Variants in IGSF21 observed in about 807,000 individuals in gnomAD.
The protein encoded by IGSF21 is immunoglobin superfamily member 21.
A neutral mutation model predicts 46.8 loss-of-function variants in IGSF21; 28 were observed. The observed-to-expected ratio is 0.60, with a 90% CI of 0.44 to 0.82. IGSF21 has a LOEUF of 0.82. Among genes scored for constraint, IGSF21 ranks in the 40% least tolerant of loss-of-function variants. The pLI, the probability that IGSF21 is intolerant of heterozygous loss-of-function variation, is 0.00. For synonymous variants in IGSF21, 284 were observed against 273.6 expected (o/e 1.04, Z -0.38); for missense variants, 624 against 665.5 (o/e 0.94, Z 0.69).
At chr1:18,135,302 G>A (rs2086358437) in intron 1 of IGSF21, among the ~76,000 whole-genome samples, 1 of 151,836 alleles carries the variant, frequency 6.6e-6, no homozygotes, top group African/African-American at 2.4e-5. Context: ...GGGTACATGT[G>A]CACAACATGC....
intron 1 of IGSF21, among the ~76,000 whole-genome samples, chr1:18,210,302 C>A (rs768969932): frequency 4.6e-5 from 7 of 152,172 alleles, no homozygotes; most frequent in Non-Finnish European, 8.8e-5. Context: ...CTTTGCTTTG[C>A]AGAATAAATG....
chr1:18,161,355 T>C (rs1048845774), intron 1 of IGSF21, among the ~76,000 whole-genome samples: 1 of 152,116 alleles, frequency 6.6e-6, no homozygotes, highest in Non-Finnish European at 1.5e-5. Context: ...GCGGGGATGG[T>C]GCTGTGAATG....
chr1:18,215,906 C>T (rs527349479), intron 1 of IGSF21, among the ~76,000 whole-genome samples: 2 of 152,278 alleles, frequency 1.3e-5, no homozygotes, highest in Admixed American at 1.3e-4. Context: ...GTGTTCATGT[C>T]TTGGTTCATT....
chr1:18,178,310 G>T (rs1258826167), intron 1 of IGSF21, among the ~76,000 whole-genome samples: 1 of 152,136 alleles, frequency 6.6e-6, no homozygotes, highest in Non-Finnish European at 1.5e-5. Flanking sequence ...TACAGAAGAG[G>T]AAGTGAAACC....
At chr1:18,230,603 G>A (rs530688744) in intron 2 of IGSF21, among the ~76,000 whole-genome samples, 11 of 152,152 alleles carry the variant, frequency 7.2e-5, no homozygotes, top group Admixed American at 1.3e-4. Flanking sequence ...CCACGTGCCC[G>A]CCTATGATGG....
intron 2 of IGSF21, among the ~76,000 whole-genome samples, chr1:18,230,210 G>A (rs1031571621): frequency 6.6e-6 from 1 of 152,180 alleles, no homozygotes; most frequent in Non-Finnish European, 1.5e-5. Flanking sequence ...CTTGAAGATG[G>A]TGAGCAGGAC....
intron 1 of IGSF21, among the ~76,000 whole-genome samples, chr1:18,129,740 C>T (rs1011543080): frequency 6.6e-6 from 1 of 152,182 alleles, no homozygotes; most frequent in African/African-American, 2.4e-5. Flanking sequence ...TGTCTGTCTC[C>T]TCCAAAACTC....
intron 2 of IGSF21, among the ~76,000 whole-genome samples, chr1:18,263,330 G>A (rs900835521): frequency 1.3e-5 from 2 of 152,070 alleles, no homozygotes; most frequent in Admixed American, 6.5e-5. Flanking sequence ...AAACAACAAT[G>A]AGGTGAGCCT....
intron 1 of IGSF21, among the ~76,000 whole-genome samples, chr1:18,160,850 A>T (rs1281664567): frequency 1.3e-5 from 2 of 152,114 alleles, no homozygotes; most frequent in African/African-American, 4.8e-5. Context: ...TGCTGGACCA[A>T]TGTGGGCTCT....
chr1:18,281,030 A>G (rs1348967954), intron 2 of IGSF21, among the ~76,000 whole-genome samples: 3 of 144,916 alleles, frequency 2.1e-5, no homozygotes, highest in Non-Finnish European at 4.6e-5. Context: ...CCTGACCCCA[A>G]CCTCCACCTC....
At chr1:18,118,289 G>A (rs1425710521) in intron 1 of IGSF21, among the ~76,000 whole-genome samples, 2 of 151,482 alleles carry the variant, frequency 1.3e-5, no homozygotes, top group East Asian at 2.0e-4. Flanking sequence ...TTTCCCTAAC[G>A]CCGCCCCAAA....
chr1:18,186,190 C>T lies in IGSF21; in HGVS notation c.71-41708C>T, dbSNP rs2086901446. On this transcript the variant is annotated intron_variant, in intron 1 of 9. Coordinates refer to ENST00000251296, the MANE Select transcript of IGSF21 (RefSeq NM_032880.5). ...AGTTTTCCACTTTCCACCTGGGAGA[C>T]TGATTTGCTCAAAATTGGCTTGGGG... 5.3e-5 allele frequency among the ~76,000 whole-genome samples: 8 copies of T among 152,116 alleles called. No individual in the cohort carries two copies. In the South Asian group the frequency reaches 1.7e-3, roughly 32 times the overall value.
chr1:18,244,316 C>G (rs955552714), intron 2 of IGSF21, among the ~76,000 whole-genome samples: 2 of 152,238 alleles, frequency 1.3e-5, no homozygotes, highest in Non-Finnish European at 2.9e-5. Flanking sequence ...ATGAAAAGAG[C>G]TGACTTTGGA....
intron 4 of IGSF21, among the ~76,000 whole-genome samples, chr1:18,359,344 AAG>A (rs2086060583): frequency 2.0e-5 from 1 of 49,806 alleles, no homozygotes; most frequent in East Asian, 4.9e-4. Flanking sequence ...AAGAAAAAGA[AAG>A]AAAGAAAGAA....
At chr1:18,276,471 G>T (rs2085103784) in intron 2 of IGSF21, among the ~76,000 whole-genome samples, 1 of 152,178 alleles carries the variant, frequency 6.6e-6, no homozygotes, top group Non-Finnish European at 1.5e-5. Flanking sequence ...TGGGCTTGGA[G>T]ATTGGCACAC....
intron 1 of IGSF21, among the ~76,000 whole-genome samples, chr1:18,157,334 G>A (rs762950806): frequency 2.0e-5 from 3 of 152,174 alleles, no homozygotes; most frequent in Non-Finnish European, 4.4e-5. Context: ...CCTGCCTGGT[G>A]GGTACCCCAG....
intron 8 of IGSF21, 114 bp from the exon 9 acceptor site, chr1:18,377,279 G>A (rs2086292619): frequency 1.0e-6 from 1 of 980,644 alleles, no homozygotes; most frequent in African/African-American, 1.6e-5. Flanking sequence ...TTGTGTGGCT[G>A]CACTGAGACA....
At chr1:18,237,884 A>C (rs760373539) in intron 2 of IGSF21, among the ~76,000 whole-genome samples, 1 of 152,202 alleles carries the variant, frequency 6.6e-6, no homozygotes. Context: ...AATGTAATTA[A>C]ACAATATATT....
At chr1:18,163,703 G>C (rs1032170020) in intron 1 of IGSF21, among the ~76,000 whole-genome samples, 1 of 152,204 alleles carries the variant, frequency 6.6e-6, no homozygotes, top group Non-Finnish European at 1.5e-5. Context: ...GCATTGGTGG[G>C]TGGGAAAAGG....
Sources: allele counts gnomAD v4.1 joint callset (sites outside exome capture counted in the v4.1 genomes callset), GRCh38; gene constraint gnomAD v4.1.1; transcripts MANE v1.5; gene names NCBI Gene and HGNC (gene_info 2026-07-23, HGNC 2026-07-21).